The following LRRC4C variants were observed in gnomAD, a reference collection of about 807,000 sequenced individuals.
LRRC4C encodes the protein leucine rich repeat containing 4C.
Under a neutral mutation model 33.6 loss-of-function variants are expected in LRRC4C, and 5 were observed. That is an observed-to-expected ratio of 0.15 (90% confidence interval 0.08 to 0.31). The LOEUF is 0.31. Ranked by LOEUF, LRRC4C falls within the 10% of genes least tolerant of loss-of-function variation. The probability of loss-of-function intolerance (pLI) is 1.00; values close to 1 mark genes in which losing one functional copy is unlikely to be tolerated. For synonymous variants in LRRC4C, 329 were observed against 302.0 expected, an observed-to-expected ratio of 1.09 and a Z score of -0.93; for missense variants, 560 against 796.7, an observed-to-expected ratio of 0.70 and a Z score of 3.58.
At chr11:40,520,277 G>A (rs1955754516) in intron 3 of LRRC4C, among the ~76,000 whole-genome samples, 1 of 152,094 alleles carries the variant, frequency 6.6e-6, no homozygotes, top group Non-Finnish European at 1.5e-5. Flanking sequence ...TTTTCTTTGT[G>A]TTCAAAACCT....
At chr11:40,481,158 G>A (rs983836322) in intron 3 of LRRC4C, among the ~76,000 whole-genome samples, 4 of 151,558 alleles carry the variant, frequency 2.6e-5, no homozygotes, top group Non-Finnish European at 2.9e-5. Flanking sequence ...ATGTTAACTC[G>A]TATACTTCAC....
chr11:40,950,373 TC>T (rs1352600292), intron 1 of LRRC4C, among the ~76,000 whole-genome samples: 1 of 152,090 alleles, frequency 6.6e-6, no homozygotes, highest in Non-Finnish European at 1.5e-5. Context: ...CCCTTACTTT[TC>T]CACTCAGATG....
At chr11:40,773,377 A>G (rs1235609902) in intron 2 of LRRC4C, among the ~76,000 whole-genome samples, 1 of 152,184 alleles carries the variant, frequency 6.6e-6, no homozygotes, top group Non-Finnish European at 1.5e-5. Flanking sequence ...TTTTAACAGA[A>G]AAAATGGTAA....
At chr11:41,106,564 G>A (rs978861756) in intron 1 of LRRC4C, among the ~76,000 whole-genome samples, 15 of 151,970 alleles carry the variant, frequency 9.9e-5, no homozygotes, top group Admixed American at 2.6e-4. Flanking sequence ...GTCACATACC[G>A]TATCACACCA....
chr11:40,382,898 T>A (rs560630719), intron 3 of LRRC4C, among the ~76,000 whole-genome samples: 1 of 152,052 alleles, frequency 6.6e-6, no homozygotes, highest in African/African-American at 2.4e-5. Context: ...TTTCACCGTG[T>A]TAGCCAGGAT....
chr11:41,036,818 TTA>T (rs1857106461), intron 1 of LRRC4C, among the ~76,000 whole-genome samples: 1 of 152,196 alleles, frequency 6.6e-6, no homozygotes, highest in Admixed American at 6.5e-5. Flanking sequence ...TTAAATAAAT[TTA>T]TGACTAGATA....
At chr11:40,501,155 G>A (rs1280368109) in intron 3 of LRRC4C, among the ~76,000 whole-genome samples, 3 of 152,128 alleles carry the variant, frequency 2.0e-5, no homozygotes, top group Non-Finnish European at 4.4e-5. Flanking sequence ...GGGTTCCCAT[G>A]GAACCCACAA....
chr11:40,624,688 A>G (rs1183235415), intron 3 of LRRC4C, among the ~76,000 whole-genome samples: 1 of 152,168 alleles, frequency 6.6e-6, no homozygotes, highest in East Asian at 1.9e-4. Context: ...GTCTTACAAC[A>G]AGTTATGTAA....
chr11:40,338,720 T>C (rs1457028598), intron 3 of LRRC4C, among the ~76,000 whole-genome samples: 1 of 152,210 alleles, frequency 6.6e-6, no homozygotes, highest in Non-Finnish European at 1.5e-5. Context: ...AATTTGTTAA[T>C]ATTACCTAAA....
At chr11:40,750,047 C>T (rs1182779829) in intron 2 of LRRC4C, among the ~76,000 whole-genome samples, 1 of 152,014 alleles carries the variant, frequency 6.6e-6, no homozygotes, top group African/African-American at 2.4e-5. Context: ...ATGGTGAAAA[C>T]CCCTCTCTAC....
At chr11:40,930,222 C>T (rs2136454634) in intron 2 of LRRC4C, among the ~76,000 whole-genome samples, 1 of 152,260 alleles carries the variant, frequency 6.6e-6, no homozygotes, top group Admixed American at 6.5e-5. Context: ...AATACCAAAC[C>T]TTTGGCTGAG....
At chr11:40,156,304 C>T (rs1185348199) in intron 5 of LRRC4C, among the ~76,000 whole-genome samples, 2 of 152,146 alleles carry the variant, frequency 1.3e-5, no homozygotes, top group Non-Finnish European at 2.9e-5. Flanking sequence ...AGGATGCCCA[C>T]TGTCACCACT....
chr11:40,916,351 G>C (rs1387425207), intron 2 of LRRC4C, among the ~76,000 whole-genome samples: 1 of 152,144 alleles, frequency 6.6e-6, no homozygotes, highest in African/African-American at 2.4e-5. Flanking sequence ...TATACACCAT[G>C]GAATACTATG....
intron 1 of LRRC4C, among the ~76,000 whole-genome samples, chr11:40,935,918 A>C (rs1366969545): frequency 6.7e-6 from 1 of 149,884 alleles, no homozygotes; most frequent in Non-Finnish European, 1.5e-5. Context: ...GAGTAATAAC[A>C]CATTCTCCAT....
intron 1 of LRRC4C, among the ~76,000 whole-genome samples, chr11:41,251,601 T>G (rs1044113211): frequency 1.3e-5 from 2 of 152,206 alleles, no homozygotes; most frequent in African/African-American, 2.4e-5. Context: ...ATGTGCATGA[T>G]CACATTTTGT....
At chr11:40,412,012 G>T (rs889618891) in intron 3 of LRRC4C, among the ~76,000 whole-genome samples, 14 of 151,842 alleles carry the variant, frequency 9.2e-5, no homozygotes, top group Admixed American at 5.9e-4. Flanking sequence ...TGAAAATACT[G>T]ATTTTTTCAA....
chr11:40,712,822 C>A (rs1439131649), intron 2 of LRRC4C, among the ~76,000 whole-genome samples: 3 of 151,862 alleles, frequency 2.0e-5, no homozygotes, highest in African/African-American at 4.8e-5. Flanking sequence ...GAGCATTCAT[C>A]CCAAAGTCAT....
intron 1 of LRRC4C, among the ~76,000 whole-genome samples, chr11:41,390,106 A>G (rs549889567): frequency 6.6e-6 from 1 of 151,952 alleles, no homozygotes; most frequent in Non-Finnish European, 1.5e-5. Context: ...TGCATAAAAC[A>G]TTGTTGAAGT....
chr11:40,546,992 G>A (rs1956950825), intron 3 of LRRC4C, among the ~76,000 whole-genome samples: 2 of 152,164 alleles, frequency 1.3e-5, no homozygotes, highest in African/African-American at 4.8e-5. Context: ...GTTCGTTACA[G>A]ATAGATAGTA....
Sources: allele counts gnomAD v4.1 joint callset (sites outside exome capture counted in the v4.1 genomes callset), GRCh38; gene constraint gnomAD v4.1.1; transcripts MANE v1.5; gene names NCBI Gene and HGNC (gene_info 2026-07-23, HGNC 2026-07-21).